TRPM6: variants seen among roughly 807,000 people sequenced by gnomAD.
The protein encoded by TRPM6 is channel kinase 2.
TRPM6 carries 111 observed loss-of-function variants against 247.6 expected under a neutral mutation model. The ratio of observed to expected loss-of-function variants is 0.45; its 90% confidence interval spans 0.38 to 0.52. The LOEUF (loss-of-function observed/expected upper bound fraction) is 0.52. TRPM6 is among the 20% of genes least tolerant of loss of function. The probability of loss-of-function intolerance (pLI) is 0.00; values close to 1 mark genes in which losing one functional copy is unlikely to be tolerated. For synonymous variants in TRPM6, 892 were observed against 853.8 expected (o/e 1.04, Z -0.78); for missense variants, 2,126 against 2,421.5 (o/e 0.88, Z 2.56).
At chr9:74,868,826 G>A (rs1830933592) in intron 1 of TRPM6, among the ~76,000 whole-genome samples, 1 of 152,138 alleles carries the variant, frequency 6.6e-6, no homozygotes, top group Non-Finnish European at 1.5e-5. Flanking sequence ...AAAGCCATGA[G>A]GTCACTGAAG....
At chr9:74,737,536 T>C in intron 36 of TRPM6, 6 of 687,370 alleles carry the variant, frequency 8.7e-6, no homozygotes, top group Non-Finnish European at 1.1e-5. Flanking sequence ...ATGAAACTCT[T>C]AAAAGAAATA....
intron 25 of TRPM6, among the ~76,000 whole-genome samples, chr9:74,770,090 A>G (rs1445838401): frequency 6.6e-6 from 1 of 152,200 alleles, no homozygotes; most frequent in Non-Finnish European, 1.5e-5. Flanking sequence ...TTTTCTCCAT[A>G]TTAAATTTAA....
chr9:74,775,134 C>T (rs1827174211), intron 24 of TRPM6, among the ~76,000 whole-genome samples: 1 of 152,134 alleles, frequency 6.6e-6, no homozygotes, highest in Admixed American at 6.5e-5. Flanking sequence ...TCTGGCTAAA[C>T]AAGATGAATT....
chr9:74,816,482 A>AAC (rs1330217247), intron 11 of TRPM6, among the ~76,000 whole-genome samples, 187 bp downstream of exon 11: 1 of 151,346 alleles, frequency 6.6e-6, no homozygotes. Flanking sequence ...AAAAAAAAAA[A>AAC]AAAAAAACAG....
chr9:74,887,404 A>C, intron 1 of TRPM6: 1 of 1,333,074 alleles, frequency 7.5e-7, no homozygotes. Flanking sequence ...GGCAGCTCAA[A>C]ACGCGCCTTC....
intron 18 of TRPM6, among the ~76,000 whole-genome samples, chr9:74,795,892 C>G (rs1828080270): frequency 6.6e-6 from 1 of 152,094 alleles, no homozygotes; most frequent in Non-Finnish European, 1.5e-5. Flanking sequence ...AGAATAATGG[C>G]TTTCCTTCTC....
At chr9:74,760,261 T>C (rs549659570) in intron 27 of TRPM6, among the ~76,000 whole-genome samples, 8 of 152,238 alleles carry the variant, frequency 5.3e-5, no homozygotes, top group Non-Finnish European at 1.2e-4. Flanking sequence ...AAGTGCCCTA[T>C]ATAGGTGTAC....
chr9:74,747,898 CA>C lies in TRPM6; in HGVS notation c.5073del (p.Ile1691MetfsTer10), dbSNP rs1826104579. On this transcript the variant is annotated frameshift_variant, in exon 31 of 39. Coordinates refer to ENST00000360774, the MANE Select transcript of TRPM6 (RefSeq NM_017662.5). ...AAACAGAAAAACTTACTGTCAACTCCAATTGAACTTTTCAGCCTGTTTGAAA... is the reference window on the plus strand; with the variant it reads ...AAACAGAAAAACTTACTGTCAACTCCATTGAACTTTTCAGCCTGTTTGAAA... ...LNRNSLLKSS[I>X]GVDKISASLK... 6.2e-7 allele frequency: 1 copy of C among 1,609,306 alleles called. No homozygotes were observed. Among genetic ancestry groups the C allele is most frequent in the Non-Finnish European group, 8.5e-7 (1 of 1,177,556 alleles).
chr9:74,750,799 C>A, intron 29 of TRPM6, 77 bp from the exon 30 acceptor site: 2 of 1,294,138 alleles, frequency 1.5e-6, no homozygotes, highest in South Asian at 2.4e-5. Context: ...ATCTGCCAAA[C>A]ACGCTCCTTG....
intron 3 of TRPM6, among the ~76,000 whole-genome samples, chr9:74,847,681 T>C (rs1830155368): frequency 6.6e-6 from 1 of 151,188 alleles, no homozygotes; most frequent in South Asian, 2.1e-4. Context: ...TCATATATAG[T>C]CAAAGTCATA....
chr9:74,799,194 C>T (rs1489285277), intron 17 of TRPM6, among the ~76,000 whole-genome samples: 1 of 152,018 alleles, frequency 6.6e-6, no homozygotes, highest in Non-Finnish European at 1.5e-5. Flanking sequence ...ATAATTTCAT[C>T]AGTGGAAAAA....
rs1374549355 is a variant in TRPM6 at position 74,723,438 on chromosome 9, CT to C, written c.*1174del. The C allele has an allele frequency of 6.6e-6, 1 of 151,472 alleles. No individual in the cohort carries two copies. Among genetic ancestry groups the C allele is most frequent in the African/African-American group, 2.4e-5 (1 of 41,196 alleles). The allele number at this position is 151,472 out of a possible 1,614,324, so 9.4% of individuals were successfully genotyped here. Reference sequence around the variant, plus strand: ...AGTCAACTCCTAACTAATAGTACCCCTGAGCTTTAAGGAAGGGAAACCCTTT... The same window carrying C: ...AGTCAACTCCTAACTAATAGTACCCCGAGCTTTAAGGAAGGGAAACCCTTT... On this transcript the variant is annotated 3_prime_UTR_variant, in exon 39 of 39. Coordinates refer to ENST00000360774, the MANE Select transcript of TRPM6 (RefSeq NM_017662.5).
intron 1 of TRPM6, among the ~76,000 whole-genome samples, chr9:74,882,272 A>G (rs1311010109): frequency 6.6e-6 from 1 of 152,196 alleles, no homozygotes; most frequent in East Asian, 1.9e-4. Flanking sequence ...ATGTTAAACT[A>G]AAAAGTTTCT....
At chr9:74,866,471 G>A (rs987845558) in intron 1 of TRPM6, among the ~76,000 whole-genome samples, 1 of 149,534 alleles carries the variant, frequency 6.7e-6, no homozygotes, top group African/African-American at 2.4e-5. Context: ...TTTTGGGGGG[G>A]TTTTTTGTTT....
intron 12 of TRPM6, among the ~76,000 whole-genome samples, chr9:74,811,326 C>T (rs1463893006): frequency 6.6e-6 from 1 of 152,072 alleles, no homozygotes; most frequent in Non-Finnish European, 1.5e-5. Context: ...TATGTGTGGG[C>T]TCAAAAAGAG....
rs143602265 is a variant in TRPM6 at position 74,732,953 on chromosome 9, G to A, written c.5777-217C>T. Among the ~76,000 whole-genome samples, 605 of 152,218 alleles carry A rather than the reference G, an allele frequency of 4.0e-3. 5 individuals are homozygous for A. Among genetic ancestry groups the A allele is most frequent in the African/African-American group, 0.013 (557 of 41,538 alleles). ...TCACGCCTGTAATCCCAGCTCTTTG[G>A]GGGGTGGAGGTGGGCAGATGACCTG... On this transcript the variant is annotated intron_variant, in intron 36 of 38. Coordinates refer to ENST00000360774, the MANE Select transcript of TRPM6 (RefSeq NM_017662.5).
At chr9:74,783,194 A>T (rs1159596232) in intron 21 of TRPM6, among the ~76,000 whole-genome samples, 1 of 152,200 alleles carries the variant, frequency 6.6e-6, no homozygotes, top group Non-Finnish European at 1.5e-5. Context: ...AAATAAAAAA[A>T]AAAAAATAGG....
In TRPM6 at chr9:74,869,041, A is replaced by G. The variant is rs1830942393; in HGVS notation, c.34-10293T>C. Among the ~76,000 whole-genome samples the G allele has an allele frequency of 2.0e-5, 3 of 152,234 alleles. No individual in the cohort carries two copies. In the South Asian group the frequency reaches 6.2e-4, roughly 31 times the overall value. On this transcript the variant is annotated intron_variant, in intron 1 of 38. Transcript: ENST00000360774. ...AGTAGAAAATTTCAAAGAAAAACTG[A>G]TAAGACATACTTAATACTAAAAAGA...
chr9:74,843,206 T>C (rs533571093), intron 3 of TRPM6, among the ~76,000 whole-genome samples: 109 of 152,324 alleles, frequency 7.2e-4, no homozygotes, highest in African/African-American at 2.5e-3. Flanking sequence ...AGTTTTTTAA[T>C]GAGATTCAGT....
Sources: gnomAD v4.1 joint callset for allele counts (sites outside exome capture counted in the v4.1 genomes callset) on GRCh38, gnomAD v4.1.1 for gene constraint, MANE v1.5 for transcripts, NCBI Gene and HGNC (gene_info 2026-07-23, HGNC 2026-07-21) for gene names.